SAMMSON: variants seen among roughly 807,000 people sequenced by gnomAD.
The protein encoded by SAMMSON is survival associated mitochondrial melanoma specific oncogenic non-coding RNA.
chr3:70,221,210 A>G (rs1466306291), intron 4 of SAMMSON, among the ~76,000 whole-genome samples: 1 of 152,142 alleles, frequency 6.6e-6, no homozygotes, highest in Non-Finnish European at 1.5e-5. Context: ...TCATCCATTC[A>G]TTTATTCATT....
At chr3:70,124,814 CAAAAAAAAAAAA>C (rs1208323683) in intron 4 of SAMMSON, among the ~76,000 whole-genome samples, 15 of 53,692 alleles carry the variant, frequency 2.8e-4, no homozygotes, top group African/African-American at 3.6e-4. Context: ...GACTCCATCT[CAAAAAAAAAAAA>C]AAAAAAAAAA....
At chr3:70,007,653 A>G (rs2066933941) in intron 1 of SAMMSON, among the ~76,000 whole-genome samples, 1 of 151,876 alleles carries the variant, frequency 6.6e-6, no homozygotes, top group South Asian at 2.1e-4. Flanking sequence ...TAGTTTAATT[A>G]GATCCCATTT....
intron 7 of SAMMSON, among the ~76,000 whole-genome samples, chr3:70,337,144 AT>A: frequency 1.5e-5 from 1 of 68,570 alleles, no homozygotes; most frequent in Non-Finnish European, 3.5e-5. Flanking sequence ...ACTTAATATT[AT>A]TATTAATAAT....
intron 2 of SAMMSON, among the ~76,000 whole-genome samples, chr3:70,412,939 G>T (rs1046959317): frequency 6.6e-6 from 1 of 152,144 alleles, no homozygotes; most frequent in Non-Finnish European, 1.5e-5. Context: ...CTAGCAAGCA[G>T]ACTTTAAGAA....
intron 6 of SAMMSON, among the ~76,000 whole-genome samples, chr3:70,262,535 C>T (rs540782965): frequency 1.1e-3 from 167 of 152,126 alleles, no homozygotes; most frequent in African/African-American, 3.8e-3. Context: ...TTCATGTGGG[C>T]CTTATTTACT....
intron 3 of SAMMSON, among the ~76,000 whole-genome samples, chr3:70,054,232 T>C (rs1037167821): frequency 6.6e-6 from 1 of 152,132 alleles, no homozygotes; most frequent in Non-Finnish European, 1.5e-5. Context: ...TAACCTGCTG[T>C]ACTCGCATTC....
intron 9 of SAMMSON, among the ~76,000 whole-genome samples, chr3:70,360,815 A>G (rs1702865438): frequency 6.6e-6 from 1 of 152,220 alleles, no homozygotes; most frequent in Non-Finnish European, 1.5e-5. Flanking sequence ...TTATGCATTT[A>G]TATTTCAGAG....
At chr3:70,430,716 G>A (rs755803075) in intron 2 of SAMMSON, among the ~76,000 whole-genome samples, 2 of 151,754 alleles carry the variant, frequency 1.3e-5, no homozygotes, top group Non-Finnish European at 1.5e-5. Flanking sequence ...CTACCCACTG[G>A]GCATAAATTG....
chr3:70,116,168 G>T (rs1481643325), intron 4 of SAMMSON, among the ~76,000 whole-genome samples: 1 of 152,008 alleles, frequency 6.6e-6, no homozygotes, highest in Non-Finnish European at 1.5e-5. Context: ...AGAAAAGAGA[G>T]CAGGGAGATA....
intron 6 of SAMMSON, among the ~76,000 whole-genome samples, chr3:70,255,094 G>T (rs1701802747): frequency 6.6e-6 from 1 of 152,154 alleles, no homozygotes. Context: ...TGGAACAATT[G>T]AAAGTTCAAC....
chr3:70,115,235 GA>G (rs1183666757), intron 4 of SAMMSON, among the ~76,000 whole-genome samples: 1 of 143,020 alleles, frequency 7.0e-6, no homozygotes, highest in East Asian at 2.1e-4. Context: ...AAGAAAGAAA[GA>G]AAAAAAGCAG....
At chr3:70,253,807 C>T (rs1346181451) in intron 6 of SAMMSON, among the ~76,000 whole-genome samples, 1 of 152,076 alleles carries the variant, frequency 6.6e-6, no homozygotes, top group Non-Finnish European at 1.5e-5. Context: ...TAAGACTATA[C>T]CATAACCCAT....
intron 9 of SAMMSON, among the ~76,000 whole-genome samples, chr3:70,377,758 A>T (rs544928535): frequency 6.6e-6 from 1 of 152,108 alleles, no homozygotes; most frequent in East Asian, 1.9e-4. Context: ...CTATAATATT[A>T]AAAAATACCT....
At chr3:70,243,877 C>T (rs1003499282) in intron 4 of SAMMSON, among the ~76,000 whole-genome samples, 4 of 152,120 alleles carry the variant, frequency 2.6e-5, no homozygotes, top group African/African-American at 9.7e-5. Flanking sequence ...ATCACACATC[C>T]CTGGAGAAAA....
chr3:70,170,531 T>A (rs1700934725), intron 4 of SAMMSON, among the ~76,000 whole-genome samples: 1 of 151,190 alleles, frequency 6.6e-6, no homozygotes, highest in Non-Finnish European at 1.5e-5. Context: ...GCAACCAGAC[T>A]TTCAAGAATA....
intron 7 of SAMMSON, among the ~76,000 whole-genome samples, chr3:70,310,993 G>A (rs1702449164): frequency 2.0e-5 from 3 of 151,886 alleles, no homozygotes. Flanking sequence ...TGCTTCACAG[G>A]GTTGTCATGA....
chr3:70,107,806 G>A (rs1248235409), intron 4 of SAMMSON, among the ~76,000 whole-genome samples: 1 of 151,928 alleles, frequency 6.6e-6, no homozygotes, highest in African/African-American at 2.4e-5. Context: ...TTGCAATGAA[G>A]GGACCCAGAT....
At chr3:70,096,318 A>G (rs1238151843) in intron 4 of SAMMSON, among the ~76,000 whole-genome samples, 2 of 152,164 alleles carry the variant, frequency 1.3e-5, no homozygotes, top group South Asian at 2.1e-4. Context: ...CCAAGGTGGA[A>G]GGATAGCTTG....
intron 3 of SAMMSON, among the ~76,000 whole-genome samples, chr3:70,029,764 A>T (rs547278331): frequency 1.1e-4 from 16 of 152,088 alleles, no homozygotes; most frequent in Non-Finnish European, 2.2e-4. Flanking sequence ...AAAAAAAAAA[A>T]AAAAAGCCCT....
Sources: gnomAD v4.1 joint callset for allele counts (sites outside exome capture counted in the v4.1 genomes callset) on GRCh38, gnomAD v4.1.1 for gene constraint, MANE v1.5 for transcripts, NCBI Gene and HGNC (gene_info 2026-07-23, HGNC 2026-07-21) for gene names.